Variants in NUBPL observed in about 807,000 individuals in gnomAD.
NUBPL encodes the protein iron-sulfur cluster transfer protein NUBPL.
A neutral mutation model predicts 45.7 loss-of-function variants in NUBPL; 31 were observed. The ratio of observed to expected loss-of-function variants is 0.68; its 90% CI spans 0.51 to 0.92. The LOEUF (loss-of-function observed/expected upper bound fraction) is 0.92. Ranked by LOEUF, NUBPL falls within the 40% of genes least tolerant of loss-of-function variation. NUBPL has a pLI of 0.00. For missense variants in NUBPL, 401 were observed against 398.7 expected, an observed-to-expected ratio of 1.01 and a Z score of -0.05; for synonymous variants, 144 against 140.9, an observed-to-expected ratio of 1.02 and a Z score of -0.15.
At chr14:31,674,676 C>CAT (rs2036650766) in intron 6 of NUBPL, among the ~76,000 whole-genome samples, 3 of 152,088 alleles carry the variant, frequency 2.0e-5, no homozygotes. Flanking sequence ...TAATTGCCTG[C>CAT]ATTATATATT....
chr14:31,807,942 G>T (rs112271034), intron 7 of NUBPL, among the ~76,000 whole-genome samples: 115 of 152,220 alleles, frequency 7.6e-4, no homozygotes, highest in African/African-American at 2.3e-3. Context: ...TAGATGTGTG[G>T]TATTATTTCT....
At chr14:31,749,731 A>G (rs555795074) in intron 6 of NUBPL, among the ~76,000 whole-genome samples, 55 of 152,234 alleles carry the variant, frequency 3.6e-4, no homozygotes, top group African/African-American at 1.3e-3. Flanking sequence ...CTTCATTTGA[A>G]TGTTTATAAC....
At chr14:31,705,402 G>A (rs2037425596) in intron 6 of NUBPL, among the ~76,000 whole-genome samples, 2 of 152,216 alleles carry the variant, frequency 1.3e-5, no homozygotes, top group South Asian at 4.1e-4. Flanking sequence ...CCCTTATCTA[G>A]CCTCACCCAC....
chr14:31,671,635 G>T (rs548131715), intron 4 of NUBPL, among the ~76,000 whole-genome samples: 1 of 152,286 alleles, frequency 6.6e-6, no homozygotes, highest in African/African-American at 2.4e-5. Context: ...GCTTTGGAAA[G>T]AATTGAGAAA....
intron 3 of NUBPL, among the ~76,000 whole-genome samples, chr14:31,588,243 G>A (rs2034045507): frequency 6.6e-6 from 1 of 152,040 alleles, no homozygotes; most frequent in South Asian, 2.1e-4. Flanking sequence ...TACTTTATAG[G>A]GTTGTCATGA....
At position 31,788,267 on chromosome 14, in the gene NUBPL, G is replaced by T. The variant is rs1449079575; in HGVS notation, c.607+394G>T. On this transcript the variant is annotated intron_variant, in intron 7 of 10. Coordinates refer to ENST00000281081, the MANE Select transcript of NUBPL (RefSeq NM_025152.3). Reference sequence around the variant, plus strand: ...GGTTAAGTAGTAGCAGAGACAGTATGCTCTGAAAGAGGAGGCAGAATGGGC... The same window carrying T: ...GGTTAAGTAGTAGCAGAGACAGTATTCTCTGAAAGAGGAGGCAGAATGGGC... Among the ~76,000 whole-genome samples, 8 of 152,190 alleles carry T rather than the reference G, an allele frequency of 5.3e-5. No individual in the cohort carries two copies. The East Asian group carries it at 1.5e-3, about 29-fold the overall frequency.
chr14:31,829,641 G>C (rs1375357756), intron 8 of NUBPL, among the ~76,000 whole-genome samples: 1 of 152,052 alleles, frequency 6.6e-6, no homozygotes, highest in Non-Finnish European at 1.5e-5. Context: ...TCTTCCCCTT[G>C]GTTTTTAGTC....
At chr14:31,645,947 G>A (rs952966205) in intron 4 of NUBPL, among the ~76,000 whole-genome samples, 1 of 151,922 alleles carries the variant, frequency 6.6e-6, no homozygotes, top group Non-Finnish European at 1.5e-5. Context: ...GAGTATCCTG[G>A]AGTTATCTGT....
intron 6 of NUBPL, among the ~76,000 whole-genome samples, chr14:31,690,741 T>C (rs578225707): frequency 6.6e-6 from 1 of 152,268 alleles, no homozygotes; most frequent in South Asian, 2.1e-4. Flanking sequence ...AGATTGTGGA[T>C]ATGGCATAAA....
intron 6 of NUBPL, among the ~76,000 whole-genome samples, chr14:31,783,111 A>G (rs2039222718): frequency 6.6e-6 from 1 of 152,188 alleles, no homozygotes; most frequent in Admixed American, 6.5e-5. Flanking sequence ...AAGGAGACAG[A>G]AGGAAATGCT....
chr14:31,681,372 A>G (rs2036828754), intron 6 of NUBPL, among the ~76,000 whole-genome samples: 1 of 151,864 alleles, frequency 6.6e-6, no homozygotes, highest in African/African-American at 2.4e-5. Context: ...TTAAATGGAT[A>G]TGGGATGTAG....
At chr14:31,627,931 A>G (rs968393008) in intron 4 of NUBPL, among the ~76,000 whole-genome samples, 3 of 152,196 alleles carry the variant, frequency 2.0e-5, no homozygotes, top group Non-Finnish European at 2.9e-5. Flanking sequence ...TTTAATGAAA[A>G]ATAACTATTT....
chr14:31,849,252 A>G (rs1420935426), intron 9 of NUBPL, among the ~76,000 whole-genome samples: 3 of 152,232 alleles, frequency 2.0e-5, no homozygotes, highest in African/African-American at 7.2e-5. Flanking sequence ...AGCACCACAT[A>G]CACGTATGTT....
At chr14:31,620,677 C>A (rs919234896) in intron 4 of NUBPL, among the ~76,000 whole-genome samples, 3 of 152,196 alleles carry the variant, frequency 2.0e-5, no homozygotes, top group African/African-American at 7.2e-5. Flanking sequence ...GAGGCACCCA[C>A]CAGACGCCAG....
intron 3 of NUBPL, among the ~76,000 whole-genome samples, chr14:31,575,110 G>A (rs1032633460): frequency 6.6e-6 from 1 of 152,128 alleles, no homozygotes; most frequent in African/African-American, 2.4e-5. Flanking sequence ...CTTCCTAGAT[G>A]TACTGCTTTT....
chr14:31,694,311 C>T (rs759513295), intron 6 of NUBPL, among the ~76,000 whole-genome samples: 3 of 152,122 alleles, frequency 2.0e-5, no homozygotes, highest in Non-Finnish European at 2.9e-5. Flanking sequence ...GAAATAGATA[C>T]ATAACTAAAG....
chr14:31,834,266 C>T (rs1405192317), intron 8 of NUBPL, among the ~76,000 whole-genome samples: 5 of 150,384 alleles, frequency 3.3e-5, no homozygotes, highest in African/African-American at 7.4e-5. Flanking sequence ...CTGCAACCTC[C>T]GCCTCCTGGG....
chr14:31,647,638 T>C (rs1379463476), intron 4 of NUBPL, among the ~76,000 whole-genome samples: 1 of 152,192 alleles, frequency 6.6e-6, no homozygotes, highest in Non-Finnish European at 1.5e-5. Flanking sequence ...GAGTTACAGA[T>C]CAGAGTTTCC....
chr14:31,831,467 C>CCA (rs1267276345), intron 8 of NUBPL, among the ~76,000 whole-genome samples: 63 of 143,088 alleles, frequency 4.4e-4, no homozygotes, highest in East Asian at 1.4e-3. Context: ...CTATACTGTA[C>CCA]TATACCATAC....
Sources: allele counts gnomAD v4.1 joint callset (sites outside exome capture counted in the v4.1 genomes callset), GRCh38; gene constraint gnomAD v4.1.1; transcripts MANE v1.5; gene names NCBI Gene and HGNC (gene_info 2026-07-23, HGNC 2026-07-21).